KAZN: variants seen among roughly 807,000 people sequenced by gnomAD.
The protein encoded by KAZN is kazrin, periplakin interacting protein.
KAZN carries 40 observed loss-of-function variants against 87.4 expected under a neutral mutation model. That is an observed-to-expected ratio of 0.46 (90% CI 0.36 to 0.60). The LOEUF is 0.60. Ranked by LOEUF, KAZN falls within the 20% of genes least tolerant of loss-of-function variation. The pLI is 0.00. For missense variants in KAZN, 898 were observed against 1,073.9 expected (o/e 0.84, Z 2.29); for synonymous variants, 466 against 458.3 (o/e 1.02, Z -0.22).
chr1:13,898,156 G>T (rs1639113921), intron 1 of KAZN, among the ~76,000 whole-genome samples: 1 of 152,216 alleles, frequency 6.6e-6, no homozygotes, highest in South Asian at 2.1e-4. Flanking sequence ...ATGTTGGGGG[G>T]ACCTCCGAGG....
intron 2 of KAZN, among the ~76,000 whole-genome samples, chr1:14,231,679 A>G (rs1482783888): frequency 1.2e-4 from 18 of 152,238 alleles, no homozygotes; most frequent in Admixed American, 1.2e-3. Flanking sequence ...GGTTATCAGT[A>G]TCCAGTGTAC....
At chr1:14,366,959 C>T (rs889068304) in intron 2 of KAZN, among the ~76,000 whole-genome samples, 1 of 152,230 alleles carries the variant, frequency 6.6e-6, no homozygotes, top group African/African-American at 2.4e-5. Context: ...TAGCCGGGCA[C>T]AGTGGCTCAT....
intron 1 of KAZN, among the ~76,000 whole-genome samples, chr1:13,998,100 A>G (rs1639612308): frequency 6.6e-6 from 1 of 152,228 alleles, no homozygotes; most frequent in Non-Finnish European, 1.5e-5. Context: ...TTTTCAACCC[A>G]GAATTTCATA....
chr1:15,029,046 T>G (rs1402765310), intron 2 of KAZN, among the ~76,000 whole-genome samples: 2 of 152,174 alleles, frequency 1.3e-5, no homozygotes, highest in Non-Finnish European at 2.9e-5. Context: ...AAAAAAGGGC[T>G]TATAAAGAAA....
At chr1:14,215,320 G>T (rs1646936760) in intron 2 of KAZN, among the ~76,000 whole-genome samples, 1 of 152,208 alleles carries the variant, frequency 6.6e-6, no homozygotes, top group Admixed American at 6.5e-5. Context: ...AGTCCCCAGA[G>T]TGTGGCTTGT....
chr1:14,979,358 G>A (rs965967652), intron 2 of KAZN, among the ~76,000 whole-genome samples: 11 of 151,998 alleles, frequency 7.2e-5, no homozygotes, highest in South Asian at 2.1e-4. Flanking sequence ...GCAGTGAGCC[G>A]AGATCGCACC....
At chr1:15,082,292 C>T (rs1041831278) in intron 8 of KAZN, among the ~76,000 whole-genome samples, 1 of 152,182 alleles carries the variant, frequency 6.6e-6, no homozygotes, top group Non-Finnish European at 1.5e-5. Context: ...AACTCAGACA[C>T]ACAAGACACA....
chr1:14,724,988 A>G (rs1342948272), intron 1 of KAZN, among the ~76,000 whole-genome samples: 1 of 152,176 alleles, frequency 6.6e-6, no homozygotes, highest in Non-Finnish European at 1.5e-5. Flanking sequence ...AGAAAAAGGC[A>G]CTCAGAAGTA....
At chr1:14,631,296 C>T (rs1679544415) in intron 1 of KAZN, among the ~76,000 whole-genome samples, 1 of 152,196 alleles carries the variant, frequency 6.6e-6, no homozygotes, top group Non-Finnish European at 1.5e-5. Flanking sequence ...AGCCAGGAAA[C>T]AGTGAAGGCT....
At chr1:14,755,799 A>C (rs748474193) in intron 1 of KAZN, among the ~76,000 whole-genome samples, 1 of 152,192 alleles carries the variant, frequency 6.6e-6, no homozygotes, top group South Asian at 2.1e-4. Context: ...GAAGAAAAGC[A>C]CTGGCCAAGT....
chr1:14,784,323 G>T (rs114593286), intron 1 of KAZN, among the ~76,000 whole-genome samples: 1 of 152,132 alleles, frequency 6.6e-6, no homozygotes, highest in African/African-American at 2.4e-5. Flanking sequence ...ATGAGTGCTT[G>T]GTTGAATAAC....
chr1:14,703,734 G>A, intron 1 of KAZN, among the ~76,000 whole-genome samples: 1 of 152,074 alleles, frequency 6.6e-6, no homozygotes. Flanking sequence ...ATAAAAATTA[G>A]CCAGGCATGG....
intron 1 of KAZN, among the ~76,000 whole-genome samples, chr1:14,088,878 T>C (rs1051598223): frequency 6.6e-6 from 1 of 151,892 alleles, no homozygotes; most frequent in Non-Finnish European, 1.5e-5. Flanking sequence ...TTTATCATTA[T>C]GAAATGTCCC....
chr1:14,588,923 G>A (rs1008209259), intron 2 of KAZN, among the ~76,000 whole-genome samples: 1 of 152,232 alleles, frequency 6.6e-6, no homozygotes, highest in African/African-American at 2.4e-5. Flanking sequence ...TTGCACTTGC[G>A]GTCCCAGTGT....
chr1:14,404,007 G>T (rs1026662338), intron 2 of KAZN, among the ~76,000 whole-genome samples: 1 of 152,140 alleles, frequency 6.6e-6, no homozygotes, highest in Admixed American at 6.5e-5. Flanking sequence ...GAACTTGAGG[G>T]GGTGGTGTCT....
chr1:14,421,355 C>T (rs1665414984), intron 2 of KAZN, among the ~76,000 whole-genome samples: 2 of 152,116 alleles, frequency 1.3e-5, no homozygotes, highest in African/African-American at 2.4e-5. Flanking sequence ...GATGGGTTTT[C>T]TTGGGGGTGC....
chr1:14,324,731 G>A (rs560725033), intron 2 of KAZN, among the ~76,000 whole-genome samples: 1 of 152,096 alleles, frequency 6.6e-6, no homozygotes, highest in Non-Finnish European at 1.5e-5. Context: ...TACTCTTATG[G>A]CCTTCATGTT....
intron 2 of KAZN, among the ~76,000 whole-genome samples, chr1:14,378,978 G>T (rs1389005701): frequency 1.1e-4 from 17 of 150,344 alleles, no homozygotes; most frequent in African/African-American, 3.4e-4. Context: ...AGCTCCAAAA[G>T]AGATTCCTTC....
intron 1 of KAZN, among the ~76,000 whole-genome samples, chr1:13,959,973 A>G (rs1233167294): frequency 6.6e-6 from 1 of 152,194 alleles, no homozygotes; most frequent in Non-Finnish European, 1.5e-5. Context: ...AGAAACGGAT[A>G]CAGACTATTC....
Sources: gnomAD v4.1 joint callset for allele counts (sites outside exome capture counted in the v4.1 genomes callset) on GRCh38, gnomAD v4.1.1 for gene constraint, MANE v1.5 for transcripts, NCBI Gene and HGNC (gene_info 2026-07-23, HGNC 2026-07-21) for gene names.